The following TOP2A variants were observed in gnomAD, a reference collection of about 807,000 sequenced individuals.
TOP2A encodes DNA topoisomerase 2-alpha.
In TOP2A, 68 loss-of-function variants were observed where a neutral mutation model predicts 187.2. That is an observed-to-expected ratio of 0.36 (90% CI 0.30 to 0.44). The LOEUF (loss-of-function observed/expected upper bound fraction) is 0.44. Among genes scored for constraint, TOP2A ranks in the 20% least tolerant of loss-of-function variants. TOP2A has a pLI of 1.00. For missense variants in TOP2A, 1,196 were observed against 1,808.7 expected (o/e 0.66, Z 6.14); for synonymous variants, 542 against 593.2 (o/e 0.91, Z 1.25).
At position 40,416,080 on chromosome 17, in the gene TOP2A, T is replaced by G; in HGVS notation, c.269-12A>C. The G allele has an allele frequency of 6.5e-7, 1 of 1,536,706 alleles. No individual in the cohort carries two copies. The highest frequency in any genetic ancestry group is 8.9e-7 in the Non-Finnish European group (1 of 1,127,540). ...GTCCGCAGCATTAACTGAAAGAAAATAAAATATACATTTGTAAGAAATTAG... is the reference window on the plus strand; with the variant it reads ...GTCCGCAGCATTAACTGAAAGAAAAGAAAATATACATTTGTAAGAAATTAG... On this transcript the variant is annotated splice_polypyrimidine_tract_variant and intron_variant, in intron 3 of 34. Transcript: ENST00000423485.
In TOP2A at chr17:40,391,529, G is replaced by T; in HGVS notation, c.4244C>A (p.Thr1415Lys). The T allele has an allele frequency of 6.2e-7, 1 of 1,612,398 alleles. No individual in the cohort carries two copies. The highest frequency in any genetic ancestry group is 1.3e-5 in the African/African-American group (1 of 74,996). Residue 1415 changes from threonine to lysine, a missense_variant, in exon 33 of 35, where the codon ACA (threonine) becomes AAA (lysine). By Grantham distance (78) the Thr-to-Lys change is moderately conservative. Around this residue, in one of 10 missense-constraint regions of TOP2A, gnomAD observed 374 missense variants for 403.3 expected, o/e 0.93. Transcript: ENST00000423485. ...ITNPVPKKNV[T>K]VKKTAAKSQS... is the part of the protein sequence containing the mutation. Reference sequence around the variant, plus strand: ...ACTTTTTGCTGCTGTCTTCTTCACTGTCACATTCTTTTTAGGAACTGGGTT... The same window carrying T: ...ACTTTTTGCTGCTGTCTTCTTCACTTTCACATTCTTTTTAGGAACTGGGTT...
At chr17:40,398,167 G>A (rs2035126739) in intron 27 of TOP2A, among the ~76,000 whole-genome samples, 1 of 142,294 alleles carries the variant, frequency 7.0e-6, no homozygotes, top group African/African-American at 2.6e-5. Flanking sequence ...AGGCTGGAGT[G>A]CAGTGGTGTG....
chr17:40,417,762 G>T lies in TOP2A; in HGVS notation c.21+9C>A, dbSNP rs768199366. On this transcript the variant is annotated intron_variant, in intron 1 of 34. Coordinates refer to ENST00000423485, the MANE Select transcript of TOP2A (RefSeq NM_001067.4). ...AGGCTCCACCGCCAGTCCCCCCCGC[G>T]AGCCGTACCTGCAATGGTGACACTT... 2 of 1,613,164 alleles carry T rather than the reference G, an allele frequency of 1.2e-6. No homozygotes were observed. The highest frequency in any genetic ancestry group is 1.7e-5 in the Admixed American group (1 of 60,006).
At position 40,407,952 on chromosome 17, in the gene TOP2A, C is replaced by T. The variant is rs1567788381; in HGVS notation, c.1500+15G>A. On this transcript the variant is annotated intron_variant, in intron 12 of 34. Coordinates refer to ENST00000423485, the MANE Select transcript of TOP2A (RefSeq NM_001067.4). ...TAAATTAGATTTAGATTCTGAAGAT[C>T]GTCTTATATTCTACCTGCTTATGAG... is the stretch of plus-strand genomic sequence containing the variant. The T allele has an allele frequency of 2.5e-6, 4 of 1,590,648 alleles. No individual in the cohort carries two copies. The highest frequency in any genetic ancestry group is 3.6e-5 in the Admixed American group (2 of 54,910).
At position 40,416,072 on chromosome 17, in the gene TOP2A, A is replaced by C. The variant is rs538934976; in HGVS notation, c.269-4T>G. On this transcript the variant is annotated splice_polypyrimidine_tract_variant and splice_region_variant and intron_variant, in intron 3 of 34. Coordinates refer to ENST00000423485, the MANE Select transcript of TOP2A (RefSeq NM_001067.4). ...TGTTTGTTGTCCGCAGCATTAACTGAAAGAAAATAAAATATACATTTGTAA... is the reference window on the plus strand; with the variant it reads ...TGTTTGTTGTCCGCAGCATTAACTGCAAGAAAATAAAATATACATTTGTAA... 7.8e-6 allele frequency: 12 copies of C among 1,548,204 alleles called. No homozygotes were observed. The African/African-American group carries it at 1.1e-4, about 14-fold the overall frequency.
Position 40,406,723 on chromosome 17 carries a change from A to G in TOP2A, c.1738-34T>C, listed in dbSNP as rs1432464105. The G allele has an allele frequency of 3.1e-6, 5 of 1,592,944 alleles. No individual in the cohort carries two copies. In the Admixed American group the frequency reaches 5.0e-5, roughly 16 times the overall value. ...AAAAACAATGACTGTGGCTTTGTAC[A>G]CTGTGGGGTCCCCTGTATACCACTA... On this transcript the variant is annotated intron_variant, in intron 14 of 34. Transcript: ENST00000423485.
rs2035321912 is a variant in TOP2A, at chr17:40,411,525, T to G, written c.964-70A>C. On this transcript the variant is annotated intron_variant, in intron 8 of 34. Transcript: ENST00000423485. The surrounding 1 kb of genome is among the most constrained non-coding windows in gnomAD (Gnocchi z 4.4). The stretch of plus-strand genomic sequence containing the variant: ...ATTATAATAATCAAACATTAAAAAC[T>G]AATTTAACCTCCTTTATACTAAGCT... 1 of 1,567,518 alleles carries G rather than the reference T, an allele frequency of 6.4e-7. No individual in the cohort carries two copies.
Position 40,400,861 on chromosome 17 carries a change from G to A in TOP2A, c.2653C>T (p.Pro885Ser), listed in dbSNP as rs559250796. The change falls in exon 21 of 35, where the codon CCT (proline) becomes TCT (serine). Residue 885 changes from proline to serine, a missense_variant. Physicochemically the swap from Pro to Ser is moderately conservative, Grantham distance 74. This residue lies in a region of TOP2A where 232 missense variants were observed against 306.1 expected (regional missense o/e 0.76). Transcript: ENST00000423485. ...NIRRLMDGEEPLPMLPSYKNF... is the reference protein window; with the variant it reads ...NIRRLMDGEESLPMLPSYKNF... ...CACAGAATACTTACCATTGGCAAAG[G>A]TTCTTCTCCATCCATCAAACGCCTG... 6.2e-7 allele frequency: 1 copy of A among 1,613,860 alleles called. No homozygotes were observed. The highest frequency in any genetic ancestry group is 8.5e-7 in the Non-Finnish European group (1 of 1,179,844).
In TOP2A at chr17:40,404,893, A is replaced by G; in HGVS notation, c.1954-10T>C. On this transcript the variant is annotated splice_polypyrimidine_tract_variant and intron_variant, in intron 16 of 34. Coordinates refer to ENST00000423485, the MANE Select transcript of TOP2A (RefSeq NM_001067.4). ...GTTTTTTGCTAAAGGCCTATAAATT[A>G]AAGGATGAAAAGATGTCACTGGTAC... 6.6e-7 allele frequency: 1 copy of G among 1,512,828 alleles called. No homozygotes were observed. The highest frequency in any genetic ancestry group is 1.4e-5 in the African/African-American group (1 of 73,034). 93.7% of individuals were successfully genotyped at this position (1,512,828 alleles called of 1,614,324 possible). A position where few individuals can be genotyped will look rare whatever the true frequency, so the allele number is the denominator to read the frequency against.
At position 40,411,537 on chromosome 17, in the gene TOP2A, C is replaced by T. The variant is rs1462188961; in HGVS notation, c.964-82G>A. ...AAACATTAAAAACTAATTTAACCTC[C>T]TTTATACTAAGCTAGCCCAATATTC... On this transcript the variant is annotated intron_variant, in intron 8 of 34. Coordinates refer to ENST00000423485, the MANE Select transcript of TOP2A (RefSeq NM_001067.4). This position sits in a 1 kb window ranked among gnomAD's most constrained non-coding sequence, Gnocchi z 4.4. 1.3e-6 allele frequency: 2 copies of T among 1,555,044 alleles called. No individual in the cohort carries two copies. Among genetic ancestry groups the T allele is most frequent in the Non-Finnish European group, 1.8e-6 (2 of 1,127,876 alleles).
intron 26 of TOP2A, 34 bp from the exon 27 acceptor site, chr17:40,398,675 A>G: frequency 1.2e-6 from 2 of 1,605,640 alleles, no homozygotes; most frequent in Non-Finnish European, 1.7e-6. Flanking sequence ...GAGTTAATAT[A>G]TGTATACAAG....
intron 27 of TOP2A, among the ~76,000 whole-genome samples, chr17:40,397,583 G>A (rs2035117411): frequency 6.6e-6 from 1 of 152,032 alleles, no homozygotes; most frequent in Non-Finnish European, 1.5e-5. Flanking sequence ...ACCATGCCCT[G>A]TGGCTTTGTC....
chr17:40,409,578 G>A, intron 10 of TOP2A: 1 of 383,508 alleles, frequency 2.6e-6, no homozygotes, highest in South Asian at 1.9e-5. Context: ...GGCCAACATG[G>A]TAAAACCCCA....
chr17:40,415,030 A>C (rs1052918289), intron 4 of TOP2A, among the ~76,000 whole-genome samples: 1 of 150,108 alleles, frequency 6.7e-6, no homozygotes, highest in Non-Finnish European at 1.5e-5. Context: ...TATTATCTAT[A>C]AAAAAAACTA....
intron 18 of TOP2A, 46 bp from the exon 19 acceptor site, chr17:40,404,319 A>T (rs1417974377): frequency 1.2e-6 from 2 of 1,608,542 alleles, no homozygotes; most frequent in Admixed American, 3.4e-5. Flanking sequence ...CAATTTAACC[A>T]ATTTTGGAAT....
At chr17:40,408,239 A>T in intron 11 of TOP2A, 115 bp from the exon 12 acceptor site, 1 of 900,008 alleles carries the variant, frequency 1.1e-6, no homozygotes, top group Non-Finnish European at 1.6e-6. Context: ...TATAATGAGC[A>T]AAATTATTTG....
intron 13 of TOP2A, 149 bp from the exon 14 acceptor site, chr17:40,407,091 C>G (rs2035257314): frequency 1.8e-6 from 1 of 563,210 alleles, no homozygotes; most frequent in Non-Finnish European, 3.1e-6. Flanking sequence ...TGGTGAAACC[C>G]TGTCTCCACT....
intron 4 of TOP2A, among the ~76,000 whole-genome samples, chr17:40,415,517 C>T (rs2035379735): frequency 6.6e-6 from 1 of 152,320 alleles, no homozygotes; most frequent in Non-Finnish European, 1.5e-5. Flanking sequence ...AAATTATTCT[C>T]TACCACCACC....
In TOP2A at chr17:40,400,988, A is replaced by T. The variant is rs1161038150; in HGVS notation, c.2526T>A (p.Ile842=). 2.5e-6 allele frequency: 4 copies of T among 1,613,860 alleles called. No individual in the cohort carries two copies. Among genetic ancestry groups the T allele is most frequent in the Middle Eastern group, 1.6e-4 (1 of 6,084 alleles). Residue 842 remains isoleucine, a synonymous_variant, in exon 21 of 35, where the codon ATT becomes ATA. Coordinates refer to ENST00000423485, the MANE Select transcript of TOP2A (RefSeq NM_001067.4). ...DNQRVEPEWY[I]PIIPMVLING... Reference sequence around the variant, plus strand: ...TTATCAGCACCATGGGAATAATAGGAATGTACCATTCAGGCTCAACACGCT... The same window carrying T: ...TTATCAGCACCATGGGAATAATAGGTATGTACCATTCAGGCTCAACACGCT...
Sources: gnomAD v4.1 joint callset for allele counts (sites outside exome capture counted in the v4.1 genomes callset) on GRCh38, gnomAD v4.1.1 for gene constraint, gnomAD v4.1.1 regional missense constraint, Gnocchi (gnomAD v3.1) non-coding constraint, MANE v1.5 for transcripts, NCBI Gene and HGNC (gene_info 2026-07-23, HGNC 2026-07-21) for gene names.